Variants in DOCK4 observed in about 807,000 individuals in gnomAD.
DOCK4 encodes the protein dedicator of cytokinesis protein 4.
In DOCK4, 97 loss-of-function variants were observed where a neutral mutation model predicts 268.1. That is an observed-to-expected ratio of 0.36 (90% CI 0.31 to 0.43). The LOEUF (loss-of-function observed/expected upper bound fraction) is 0.43. Among genes scored for constraint, DOCK4 ranks in the 20% least tolerant of loss-of-function variants. The pLI, the probability that DOCK4 is intolerant of heterozygous loss-of-function variation, is 1.00. For synonymous variants in DOCK4, 954 were observed against 887.2 expected (o/e 1.08, Z -1.34); for missense variants, 2,145 against 2,455.7 (o/e 0.87, Z 2.67).
intron 1 of DOCK4, among the ~76,000 whole-genome samples, chr7:112,021,786 A>T (rs143294040): frequency 4.3e-4 from 66 of 152,226 alleles, no homozygotes; most frequent in African/African-American, 1.5e-3. Flanking sequence ...ACAACTATAC[A>T]CAAAAAGGAT....
intron 39 of DOCK4, 133 bp downstream of exon 39, chr7:111,764,985 G>A (rs187067313): frequency 3.0e-5 from 14 of 464,726 alleles, no homozygotes; most frequent in African/African-American, 2.9e-4. Flanking sequence ...TATAGTGTCT[G>A]CAAAGTAAAA....
chr7:111,812,470 C>T (rs1586061202), intron 27 of DOCK4, among the ~76,000 whole-genome samples: 1 of 152,112 alleles, frequency 6.6e-6, no homozygotes, highest in African/African-American at 2.4e-5. Context: ...TTTTCTGAGA[C>T]AGGTTCTCAC....
intron 6 of DOCK4, 58 bp from the exon 7 acceptor site, chr7:111,984,448 A>C: frequency 1.4e-6 from 2 of 1,477,598 alleles, no homozygotes; most frequent in Non-Finnish European, 1.9e-6. Flanking sequence ...ATATGTTAAA[A>C]ACAATTGGTT....
chr7:111,754,885 A>G (rs1484676062), intron 42 of DOCK4, among the ~76,000 whole-genome samples: 1 of 152,182 alleles, frequency 6.6e-6, no homozygotes, highest in African/African-American at 2.4e-5. Context: ...TGAGACTAAT[A>G]CGCTGCCATC....
intron 1 of DOCK4, among the ~76,000 whole-genome samples, chr7:112,145,822 GAA>G (rs59721404): frequency 6.7e-6 from 1 of 148,430 alleles, no homozygotes; most frequent in Admixed American, 6.7e-5. Flanking sequence ...TTACTTGGAA[GAA>G]AAAAAAAAAT....
In DOCK4 at chr7:111,900,517, G is replaced by C; in HGVS notation, c.1337C>G (p.Ser446Cys). The C allele has an allele frequency of 6.2e-7, 1 of 1,611,062 alleles. No homozygotes were observed. The highest frequency in any genetic ancestry group is 8.5e-7 in the Non-Finnish European group (1 of 1,178,698). ...GTACTCACTGGCTGGTGGCTCCCCAGAGCCGAAGGAGATAAAATCCTAACA... is the reference window on the plus strand; with the variant it reads ...GTACTCACTGGCTGGTGGCTCCCCACAGCCGAAGGAGATAAAATCCTAACA... ...QTLKDFISFG[S>C]GEPPASEYHS... The change falls in exon 15 of 53, where the codon TCT becomes TGT. Residue 446 changes from serine to cysteine, a missense_variant. By Grantham distance (112) the Ser-to-Cys change is moderately radical. Coordinates refer to ENST00000428084, the MANE Select transcript of DOCK4 (RefSeq NM_001363540.2).
At chr7:111,940,078 A>G (rs1795083526) in intron 11 of DOCK4, 32 bp downstream of exon 11, 1 of 1,612,612 alleles carries the variant, frequency 6.2e-7, no homozygotes, top group East Asian at 2.2e-5. Flanking sequence ...CCCTGTGCCT[A>G]CCCCAGCCAT....
chr7:111,730,611 C>G (rs1795017240), intron 52 of DOCK4, among the ~76,000 whole-genome samples: 1 of 151,656 alleles, frequency 6.6e-6, no homozygotes, highest in African/African-American at 2.4e-5. Flanking sequence ...AGGGTTAGAC[C>G]CACAGTTTGA....
At chr7:112,073,469 C>T (rs10258782) in intron 1 of DOCK4, among the ~76,000 whole-genome samples, 88 of 151,794 alleles carry the variant, frequency 5.8e-4, no homozygotes, top group African/African-American at 2.0e-3. Context: ...ACATGTATTA[C>T]ATGTATTATT....
intron 25 of DOCK4, among the ~76,000 whole-genome samples, chr7:111,842,229 T>C (rs1213955473): frequency 6.6e-6 from 1 of 152,196 alleles, no homozygotes; most frequent in Non-Finnish European, 1.5e-5. Flanking sequence ...AGAACCTCCT[T>C]GGGACCTGAG....
At chr7:111,790,323 T>A (rs1585993529) in intron 31 of DOCK4, 134 bp downstream of exon 31, 1 of 1,006,162 alleles carries the variant, frequency 9.9e-7, no homozygotes, top group Admixed American at 2.8e-5. Flanking sequence ...GGCTTGGGAG[T>A]GGATAGGCCA....
intron 12 of DOCK4, among the ~76,000 whole-genome samples, chr7:111,930,523 G>C (rs939110785): frequency 6.6e-6 from 1 of 152,186 alleles, no homozygotes; most frequent in Non-Finnish European, 1.5e-5. Flanking sequence ...GGAATAGCAG[G>C]AGAAAGTGGG....
At chr7:112,182,710 A>C (rs1422294541) in intron 1 of DOCK4, among the ~76,000 whole-genome samples, 2 of 152,242 alleles carry the variant, frequency 1.3e-5, no homozygotes, top group East Asian at 3.8e-4. Context: ...CAGACAGAAG[A>C]AGCAGGTCAA....
At chr7:111,963,929 A>AC (rs577629550) in intron 8 of DOCK4, among the ~76,000 whole-genome samples, 3 of 76,362 alleles carry the variant, frequency 3.9e-5, no homozygotes, top group Non-Finnish European at 7.1e-5. Context: ...ACTGGGAGGC[A>AC]CCCCCCAGCA....
Position 111,909,779 on chromosome 7 carries a change from T to C in DOCK4, c.1192+6000A>G, listed in dbSNP as rs1791936119. ...GTGTTCAAGACCAGCCTGGGCAACATAGGGAGATCTGATTTCTCCAAATAA... is the reference window on the plus strand; with the variant it reads ...GTGTTCAAGACCAGCCTGGGCAACACAGGGAGATCTGATTTCTCCAAATAA... On this transcript the variant is annotated intron_variant, in intron 13 of 52. Coordinates refer to ENST00000428084, the MANE Select transcript of DOCK4 (RefSeq NM_001363540.2). Among the ~76,000 whole-genome samples, 3 of 151,950 alleles carry C rather than the reference T, an allele frequency of 2.0e-5. No homozygotes were observed. The South Asian group carries it at 6.2e-4, about 32-fold the overall frequency.
chr7:111,977,229 G>C lies in DOCK4; in HGVS notation c.604C>G (p.Leu202Val). 1 of 1,611,058 alleles carries C rather than the reference G, an allele frequency of 6.2e-7. No homozygotes were observed. The highest frequency in any genetic ancestry group is 8.5e-7 in the Non-Finnish European group (1 of 1,178,696). The change falls in exon 8 of 53, where the codon CTC becomes GTC. Residue 202 changes from leucine to valine, a missense_variant. Leu to Val is a conservative substitution (Grantham distance 32). Around this residue, in one of 2 missense-constraint regions of DOCK4, gnomAD observed 1,598 missense variants for 1,986.7 expected, o/e 0.80. Coordinates refer to ENST00000428084, the MANE Select transcript of DOCK4 (RefSeq NM_001363540.2). Reference sequence around the variant, plus strand: ...ATGAGGCTCTTCATCTGGACAAAGAGGTGGTGACTGCTGGCCTGCACCGGG... The same window carrying C: ...ATGAGGCTCTTCATCTGGACAAAGACGTGGTGACTGCTGGCCTGCACCGGG... Reference protein sequence around the residue: ...DTPVQASSHHLFVQMKSLMCS... With the variant: ...DTPVQASSHHVFVQMKSLMCS...
chr7:111,913,393 G>T (rs887703544), intron 13 of DOCK4, among the ~76,000 whole-genome samples: 1 of 150,230 alleles, frequency 6.7e-6, no homozygotes, highest in African/African-American at 2.5e-5. Flanking sequence ...AACATAGGGA[G>T]ATCCCATCTT....
chr7:111,883,136 G>C (rs1030740070), intron 16 of DOCK4, among the ~76,000 whole-genome samples: 1 of 151,996 alleles, frequency 6.6e-6, no homozygotes, highest in African/African-American at 2.4e-5. Context: ...ATACATATAT[G>C]GTTTAAAGAA....
At chr7:111,936,485 A>AATGGATGGATGGATGGATGG (rs56276228) in intron 11 of DOCK4, among the ~76,000 whole-genome samples, 2 of 148,176 alleles carry the variant, frequency 1.3e-5, no homozygotes, top group East Asian at 2.0e-4. Context: ...CAGTGGTATG[A>AATGGATGGATGGATGGATGG]ATGGATGGAT....
Sources: gnomAD v4.1 joint callset for allele counts (sites outside exome capture counted in the v4.1 genomes callset) on GRCh38, gnomAD v4.1.1 for gene constraint, gnomAD v4.1.1 regional missense constraint, MANE v1.5 for transcripts, NCBI Gene and HGNC (gene_info 2026-07-23, HGNC 2026-07-21) for gene names.